Variants in PRDM11 observed in about 807,000 individuals in gnomAD.
The protein encoded by PRDM11 is PR domain-containing protein 11.
A neutral mutation model predicts 97.8 loss-of-function variants in PRDM11; 20 were observed. That is an observed-to-expected ratio of 0.20 (90% CI 0.14 to 0.30). The LOEUF (loss-of-function observed/expected upper bound fraction) is 0.30, where lower values mean the gene tolerates loss of function less well. Ranked by LOEUF, PRDM11 falls within the 10% of genes least tolerant of loss-of-function variation. The pLI, the probability that PRDM11 is intolerant of heterozygous loss-of-function variation, is 1.00. For missense variants in PRDM11, 1,139 were observed against 1,555.2 expected (o/e 0.73, Z 4.50); for synonymous variants, 599 against 637.7 (o/e 0.94, Z 0.91).
At chr11:45,113,974 G>A (rs1367182402) in intron 1 of PRDM11, among the ~76,000 whole-genome samples, 2 of 151,828 alleles carry the variant, frequency 1.3e-5, no homozygotes, top group African/African-American at 4.8e-5. Context: ...GTGAAAGTTT[G>A]ACTTCCTCTT....
intron 5 of PRDM11, among the ~76,000 whole-genome samples, chr11:45,212,093 C>A (rs1044242484): frequency 2.6e-5 from 4 of 152,136 alleles, no homozygotes; most frequent in Non-Finnish European, 1.5e-5. Context: ...CCAAGCGGTT[C>A]GATGTGTAGA....
chr11:45,095,242 G>A (rs751195196), upstream of PRDM11, among the ~76,000 whole-genome samples: 36 of 152,166 alleles, frequency 2.4e-4, no homozygotes, highest in Non-Finnish European at 3.8e-4. Flanking sequence ...CTTCTAAGCC[G>A]TGGGGACAGG....
rs1379618754 is a variant in PRDM11, at chr11:45,231,800, C to T, written c.*3641C>T. The T allele has an allele frequency of 6.6e-6, 1 of 151,932 alleles. No individual in the cohort carries two copies. Among genetic ancestry groups the T allele is most frequent in the Non-Finnish European group, 1.5e-5 (1 of 68,002 alleles). The allele number at this position is 151,932 out of a possible 1,614,324, so 9.4% of individuals were successfully genotyped here. A position where few individuals can be genotyped will look rare whatever the true frequency, so the allele number is the denominator to read the frequency against. On this transcript the variant is annotated 3_prime_UTR_variant, in exon 8 of 8. Transcript: ENST00000683152. ...GCCATGTCAGAATCCCCAAGTTTTG[C>T]CTGCCTGGTTGAATATGAGAGTCCA... is the stretch of plus-strand genomic sequence containing the variant.
At position 45,226,724 on chromosome 11, in the gene PRDM11, C is replaced by G. The variant is rs1346858553; in HGVS notation, c.2099C>G (p.Ser700Cys). The G allele has an allele frequency of 2.1e-5, 32 of 1,533,886 alleles. No homozygotes were observed. The highest frequency in any genetic ancestry group is 5.5e-5 in the African/African-American group (4 of 72,994). The stretch of plus-strand genomic sequence containing the variant: ...CTGTCCCTGCAGGAGCTGGGATTCT[C>G]TAGCACAGAAAGCTATCTCCAGGCA... The part of the protein sequence containing the change: ...EFLSLQELGF[S>C]STESYLQALD... Residue 700 changes from serine to cysteine, a missense_variant, in exon 8 of 8, where the codon TCT becomes TGT. Around this residue, in one of 2 missense-constraint regions of PRDM11, gnomAD observed 710 missense variants for 1,044.9 expected, o/e 0.68. Coordinates refer to ENST00000683152, the MANE Select transcript of PRDM11 (RefSeq NM_001384648.1).
chr11:45,110,863 C>T (rs1852162696), intron 1 of PRDM11, among the ~76,000 whole-genome samples: 1 of 152,216 alleles, frequency 6.6e-6, no homozygotes, highest in Non-Finnish European at 1.5e-5. Context: ...TGGTTCTGCT[C>T]CTGGGTGGCA....
intron 5 of PRDM11, chr11:45,214,163 C>T (rs1424843155): frequency 5.3e-6 from 1 of 187,778 alleles, no homozygotes; most frequent in Non-Finnish European, 1.1e-5. Flanking sequence ...TGCCTTGCCT[C>T]TGCTTGCTCG....
upstream of PRDM11, among the ~76,000 whole-genome samples, chr11:45,146,351 C>T (rs1022585669): frequency 3.9e-5 from 6 of 152,246 alleles, no homozygotes; most frequent in Non-Finnish European, 8.8e-5. Flanking sequence ...AATTTGAGAA[C>T]TTTTACTTCT....
intron 5 of PRDM11, among the ~76,000 whole-genome samples, chr11:45,206,418 C>T (rs2135801532): frequency 6.6e-6 from 1 of 152,294 alleles, no homozygotes. Flanking sequence ...CAGTTTGGAC[C>T]CCAAGCCTGT....
At chr11:45,208,400 G>A (rs1421644563) in intron 5 of PRDM11, among the ~76,000 whole-genome samples, 1 of 152,202 alleles carries the variant, frequency 6.6e-6, no homozygotes, top group Non-Finnish European at 1.5e-5. Context: ...TCATTCAGCT[G>A]TAGGGCTGTA....
At chr11:45,199,592 G>C (rs916642642) in intron 4 of PRDM11, among the ~76,000 whole-genome samples, 1 of 152,186 alleles carries the variant, frequency 6.6e-6, no homozygotes, top group East Asian at 1.9e-4. Context: ...CTTCTGGGCT[G>C]GTCCAAAGTG....
intron 5 of PRDM11, among the ~76,000 whole-genome samples, chr11:45,211,864 C>G (rs1256674579): frequency 6.6e-6 from 1 of 152,134 alleles, no homozygotes; most frequent in African/African-American, 2.4e-5. Flanking sequence ...TAACCAAACA[C>G]CACCTGTACC....
chr11:45,097,678 G>A (rs575457993), intron 1 of PRDM11, among the ~76,000 whole-genome samples: 3 of 152,346 alleles, frequency 2.0e-5, no homozygotes, highest in Admixed American at 1.3e-4. Flanking sequence ...CCTTGAGGAC[G>A]GAGCTATTGG....
chr11:45,136,191 A>G (rs977193841), intron 1 of PRDM11, among the ~76,000 whole-genome samples: 1 of 152,238 alleles, frequency 6.6e-6, no homozygotes. Flanking sequence ...GTTTTAAAAC[A>G]TAATATCTAG....
chr11:45,147,858 G>A (rs1851560279), intron 1 of PRDM11, among the ~76,000 whole-genome samples: 1 of 152,188 alleles, frequency 6.6e-6, no homozygotes, highest in African/African-American at 2.4e-5. Context: ...ATTTAGAGTG[G>A]CTGTAAGGAA....
intron 1 of PRDM11, among the ~76,000 whole-genome samples, chr11:45,127,845 C>T (rs1309027228): frequency 2.0e-5 from 3 of 152,252 alleles, no homozygotes; most frequent in Non-Finnish European, 4.4e-5. Flanking sequence ...AGATCTCCAG[C>T]TGCGTGCTGG....
At chr11:45,166,943 C>T (rs1734145239) in intron 1 of PRDM11, among the ~76,000 whole-genome samples, 1 of 152,262 alleles carries the variant, frequency 6.6e-6, no homozygotes, top group African/African-American at 2.4e-5. Context: ...TTTGAATTCA[C>T]AGATATTATT....
chr11:45,164,800 C>G (rs980364282), intron 1 of PRDM11, among the ~76,000 whole-genome samples: 1 of 152,150 alleles, frequency 6.6e-6, no homozygotes, highest in Non-Finnish European at 1.5e-5. Flanking sequence ...TTGAATGCTT[C>G]TTGGGGGCCC....
At chr11:45,151,404 GA>G in intron 1 of PRDM11, among the ~76,000 whole-genome samples, 1 of 152,384 alleles carries the variant, frequency 6.6e-6, no homozygotes, top group Non-Finnish European at 1.5e-5. Context: ...TATCTGTGTT[GA>G]AAAGGCCAAT....
At chr11:45,174,719 T>C (rs1852286753) in intron 1 of PRDM11, among the ~76,000 whole-genome samples, 1 of 152,192 alleles carries the variant, frequency 6.6e-6, no homozygotes, top group African/African-American at 2.4e-5. Context: ...AACTAAATGA[T>C]TATGAAGAGG....
Sources: allele counts gnomAD v4.1 joint callset (sites outside exome capture counted in the v4.1 genomes callset), GRCh38; gene constraint gnomAD v4.1.1; regional missense constraint gnomAD v4.1.1; transcripts MANE v1.5; gene names NCBI Gene and HGNC (gene_info 2026-07-23, HGNC 2026-07-21).